Variants in STK32B observed in about 807,000 individuals in gnomAD.
STK32B encodes the protein serine/threonine-protein kinase 32B.
STK32B carries 43 observed loss-of-function variants against 52.6 expected under a neutral mutation model. That is an observed-to-expected ratio of 0.82 (90% CI 0.64 to 1.05). The LOEUF (loss-of-function observed/expected upper bound fraction) is 1.05. STK32B is among the 50% of genes least tolerant of loss of function. STK32B has a pLI of 0.00. For synonymous variants in STK32B, 238 were observed against 204.3 expected (o/e 1.17, Z -1.41); for missense variants, 621 against 534.6 (o/e 1.16, Z -1.59).
rs1560172251 is a variant in STK32B at position 5,139,974 on chromosome 4, T to C, written c.108+14T>C. On this transcript the variant is annotated intron_variant, in intron 2 of 11. Transcript: ENST00000282908. ...AGTTTTGGAAAGGTAAGAATATAAA[T>C]GTCTGGACCACTGGGCTTAAGTATG... 28 of 1,614,056 alleles carry C rather than the reference T, an allele frequency of 1.7e-5. No individual in the cohort carries two copies. The highest frequency in any genetic ancestry group is 2.4e-5 in the Non-Finnish European group (28 of 1,180,006).
chr4:5,448,130 C>G (rs1001561917), intron 7 of STK32B, among the ~76,000 whole-genome samples: 6 of 152,190 alleles, frequency 3.9e-5, no homozygotes, highest in African/African-American at 1.4e-4. Flanking sequence ...ATTTGTCACC[C>G]TGTAGTTAAG....
intron 6 of STK32B, among the ~76,000 whole-genome samples, chr4:5,445,962 C>CG (rs1245905720): frequency 3.9e-5 from 6 of 152,176 alleles, no homozygotes; most frequent in Non-Finnish European, 7.3e-5. Flanking sequence ...GCACAGAGCT[C>CG]TAAGTGTCCA....
At chr4:5,369,398 A>T (rs1441148048) in intron 4 of STK32B, among the ~76,000 whole-genome samples, 1 of 152,062 alleles carries the variant, frequency 6.6e-6, no homozygotes, top group Admixed American at 6.5e-5. Context: ...ATTCTTGCTC[A>T]TCTGTCTACA....
At chr4:5,456,005 C>T (rs1442551374) in intron 7 of STK32B, among the ~76,000 whole-genome samples, 3 of 151,946 alleles carry the variant, frequency 2.0e-5, no homozygotes, top group South Asian at 2.1e-4. Flanking sequence ...CATCTTGGAC[C>T]GCAGTTCAGC....
At chr4:5,445,955 C>CGG (rs1553891292) in intron 6 of STK32B, among the ~76,000 whole-genome samples, 1 of 152,028 alleles carries the variant, frequency 6.6e-6, no homozygotes, top group African/African-American at 2.4e-5. Context: ...GCCCCAGGCA[C>CGG]AGAGCTCTAA....
chr4:5,054,871 A>T (rs1361598346), intron 1 of STK32B, among the ~76,000 whole-genome samples: 4 of 152,244 alleles, frequency 2.6e-5, no homozygotes, highest in Non-Finnish European at 5.9e-5. Flanking sequence ...GCAAAAGTTT[A>T]ACTCATTGTG....
chr4:5,307,032 A>G (rs111364182), intron 3 of STK32B, among the ~76,000 whole-genome samples: 16,464 of 152,126 alleles, frequency 0.11, 1,059 homozygotes, highest in African/African-American at 0.19. Context: ...GTTTTCCTTT[A>G]TAGGTTGCCT....
chr4:5,193,001 T>TG (rs1413416378), intron 3 of STK32B, among the ~76,000 whole-genome samples: 2 of 152,058 alleles, frequency 1.3e-5, no homozygotes, highest in African/African-American at 2.4e-5. Context: ...CTGTCGGCAA[T>TG]GGGGGGATGG....
chr4:5,459,711 A>G (rs189157622), intron 8 of STK32B, among the ~76,000 whole-genome samples: 2 of 152,334 alleles, frequency 1.3e-5, no homozygotes, highest in East Asian at 1.9e-4. Context: ...TTTTATTACA[A>G]TTTGGTGCCT....
chr4:5,465,488 G>A (rs1047361558), intron 9 of STK32B, among the ~76,000 whole-genome samples: 1 of 152,150 alleles, frequency 6.6e-6, no homozygotes, highest in African/African-American at 2.4e-5. Flanking sequence ...TAGGTAGCAA[G>A]ACCCTTTCTT....
At chr4:5,444,451 T>A (rs892371632) in intron 6 of STK32B, among the ~76,000 whole-genome samples, 9 of 152,232 alleles carry the variant, frequency 5.9e-5, no homozygotes, top group Admixed American at 6.5e-5. Flanking sequence ...TGCCTCGCCC[T>A]GCTTTGGCTC....
intron 6 of STK32B, among the ~76,000 whole-genome samples, chr4:5,442,563 G>C (rs1258361005): frequency 6.6e-6 from 1 of 150,748 alleles, no homozygotes; most frequent in African/African-American, 2.4e-5. Flanking sequence ...TATCCAATTT[G>C]CCAGTCTGTG....
At chr4:5,294,807 G>GTGT (rs1232454279) in intron 3 of STK32B, among the ~76,000 whole-genome samples, 2 of 151,988 alleles carry the variant, frequency 1.3e-5, no homozygotes, top group African/African-American at 4.8e-5. Flanking sequence ...TTTTAATGCT[G>GTGT]TGTTGTATAG....
At chr4:5,147,103 G>C (rs1389264554) in intron 2 of STK32B, among the ~76,000 whole-genome samples, 1 of 151,862 alleles carries the variant, frequency 6.6e-6, no homozygotes, top group African/African-American at 2.4e-5. Context: ...GTGATGTTTT[G>C]TCATTTTTAG....
intron 11 of STK32B, among the ~76,000 whole-genome samples, chr4:5,471,111 A>G (rs1669680985): frequency 6.6e-6 from 1 of 152,196 alleles, no homozygotes; most frequent in African/African-American, 2.4e-5. Flanking sequence ...ATCACACAGG[A>G]GGGCCACAGT....
At chr4:5,142,415 C>G (rs988770972) in intron 2 of STK32B, among the ~76,000 whole-genome samples, 4 of 152,190 alleles carry the variant, frequency 2.6e-5, no homozygotes, top group African/African-American at 7.2e-5. Flanking sequence ...GTGCCAAGTT[C>G]TGCAACTTTA....
At chr4:5,277,370 ATT>A (rs75165869) in intron 3 of STK32B, among the ~76,000 whole-genome samples, 1 of 148,612 alleles carries the variant, frequency 6.7e-6, no homozygotes, top group African/African-American at 2.4e-5. Context: ...TGTCTGGAGT[ATT>A]TTTTTTTTTC....
chr4:5,348,265 G>T (rs1459153130), intron 4 of STK32B, among the ~76,000 whole-genome samples: 1 of 152,180 alleles, frequency 6.6e-6, no homozygotes, highest in East Asian at 1.9e-4. Flanking sequence ...GGAACTGCAT[G>T]GAGACTGTGG....
intron 3 of STK32B, among the ~76,000 whole-genome samples, chr4:5,287,448 A>AT (rs536976646): frequency 6.6e-6 from 1 of 151,570 alleles, no homozygotes; most frequent in Non-Finnish European, 1.5e-5. Context: ...CCTTTTGCCC[A>AT]TTTTTTTCAG....
Sources: gnomAD v4.1 joint callset for allele counts (sites outside exome capture counted in the v4.1 genomes callset) on GRCh38, gnomAD v4.1.1 for gene constraint, MANE v1.5 for transcripts, NCBI Gene and HGNC (gene_info 2026-07-23, HGNC 2026-07-21) for gene names.